The following RBFOX3 variants were observed in gnomAD, a reference collection of about 807,000 sequenced individuals.
The protein encoded by RBFOX3 is RNA binding protein fox-1 homolog 3.
Under a neutral mutation model 48.7 loss-of-function variants are expected in RBFOX3, and 17 were observed. The observed-to-expected ratio is 0.35, with a 90% CI of 0.24 to 0.52. The LOEUF (loss-of-function observed/expected upper bound fraction) is 0.52, where lower values mean the gene tolerates loss of function less well. RBFOX3 is among the 20% of genes least tolerant of loss of function. The pLI is 0.94. For missense variants in RBFOX3, 382 were observed against 497.5 expected, an observed-to-expected ratio of 0.77 and a Z score of 2.21; for synonymous variants, 212 against 209.5, an observed-to-expected ratio of 1.01 and a Z score of -0.10.
At chr17:79,567,978 T>C (rs906102794) in intron 1 of RBFOX3, among the ~76,000 whole-genome samples, 3 of 152,260 alleles carry the variant, frequency 2.0e-5, no homozygotes, top group African/African-American at 7.2e-5. Context: ...ATCAATGATG[T>C]AAAGTCTCCT....
chr17:79,239,177 C>G (rs377401370), intron 3 of RBFOX3, among the ~76,000 whole-genome samples: 2 of 152,318 alleles, frequency 1.3e-5, no homozygotes, highest in Non-Finnish European at 1.5e-5. Context: ...CTCTTCTGCA[C>G]TCCCAGCATT....
chr17:79,549,029 G>C (rs2090856950), intron 1 of RBFOX3, among the ~76,000 whole-genome samples: 1 of 152,218 alleles, frequency 6.6e-6, no homozygotes, highest in African/African-American at 2.4e-5. Flanking sequence ...TCACTAGTTT[G>C]CAGATGAAGA....
rs143460081 is a variant in RBFOX3 at position 79,219,916 on chromosome 17, GCCCAGCCCCCTGT to G, written c.-34+15837_-34+15849del. Reference sequence around the variant, plus strand: ...CCTGCCGGGTATTACTGGAGGCTGGGCCCAGCCCCCTGTCCCAGCCCCCTGTCCCAGCCCCACC... The same window carrying G: ...CCTGCCGGGTATTACTGGAGGCTGGGCCCAGCCCCCTGTCCCAGCCCCACC... On this transcript the variant is annotated intron_variant, in intron 4 of 14. Coordinates refer to ENST00000693108, the MANE Select transcript of RBFOX3 (RefSeq NM_001350451.2). Among the ~76,000 whole-genome samples, 583 of 151,738 alleles carry G rather than the reference GCCCAGCCCCCTGT, an allele frequency of 3.8e-3. 6 individuals carry two copies. The highest frequency in any genetic ancestry group is 0.023 in the East Asian group (120 of 5,114).
chr17:79,293,467 C>CCTT (rs1378057261), intron 3 of RBFOX3, among the ~76,000 whole-genome samples: 5 of 112,140 alleles, frequency 4.5e-5, no homozygotes, highest in African/African-American at 1.5e-4. Flanking sequence ...TTCCTTCCTT[C>CCTT]CCTTCCTTCC....
chr17:79,323,828 T>C (rs532756215), intron 2 of RBFOX3, among the ~76,000 whole-genome samples: 19 of 152,384 alleles, frequency 1.2e-4, no homozygotes, highest in Admixed American at 4.6e-4. Flanking sequence ...TTCATTACCA[T>C]GCAGATCCAA....
At chr17:79,156,508 C>G (rs2045840191) in intron 4 of RBFOX3, among the ~76,000 whole-genome samples, 1 of 152,200 alleles carries the variant, frequency 6.6e-6, no homozygotes, top group Non-Finnish European at 1.5e-5. Flanking sequence ...GCCCTCACCC[C>G]TCTTCCACGT....
At chr17:79,661,546 G>C in the RBFOX3 span, among the ~76,000 whole-genome samples, 9 of 152,358 alleles carry the variant, frequency 5.9e-5, no homozygotes, top group African/African-American at 2.2e-4. Context: ...GTGAAAAACA[G>C]TGCTGCTGTG....
chr17:79,641,950 C>T, the RBFOX3 span, among the ~76,000 whole-genome samples: 1 of 152,142 alleles, frequency 6.6e-6, no homozygotes, highest in Non-Finnish European at 1.5e-5. Context: ...TTTCCTGAGG[C>T]CTCCCCAGAA....
At chr17:79,502,808 C>T (rs1333834184) in intron 1 of RBFOX3, among the ~76,000 whole-genome samples, 2 of 152,202 alleles carry the variant, frequency 1.3e-5, no homozygotes, top group East Asian at 3.9e-4. Flanking sequence ...GGAGGCCCGG[C>T]CTCCCCACTC....
intron 6 of RBFOX3, among the ~76,000 whole-genome samples, chr17:79,104,784 A>G (rs2077061105): frequency 6.6e-6 from 1 of 151,968 alleles, no homozygotes; most frequent in South Asian, 2.1e-4. Context: ...GGCCTCCCTG[A>G]GATGGGGAGG....
chr17:79,539,425 A>T (rs781994834), intron 1 of RBFOX3, among the ~76,000 whole-genome samples: 1 of 152,226 alleles, frequency 6.6e-6, no homozygotes, highest in Middle Eastern at 3.2e-3. Context: ...GGCATCTGTC[A>T]ATACTTTTGA....
At chr17:79,448,904 G>T (rs2072906442) in intron 2 of RBFOX3, among the ~76,000 whole-genome samples, 1 of 152,046 alleles carries the variant, frequency 6.6e-6, no homozygotes, top group Admixed American at 6.5e-5. Flanking sequence ...ACAGAGAAAA[G>T]GGCCAGAAGG....
intron 4 of RBFOX3, among the ~76,000 whole-genome samples, chr17:79,130,514 TC>T (rs1175828397): frequency 6.6e-6 from 1 of 152,194 alleles, no homozygotes; most frequent in Non-Finnish European, 1.5e-5. Flanking sequence ...AGCGTGGATG[TC>T]CCCACCCTCT....
At chr17:79,222,601 G>A (rs1231356812) in intron 4 of RBFOX3, among the ~76,000 whole-genome samples, 1 of 152,220 alleles carries the variant, frequency 6.6e-6, no homozygotes, top group African/African-American at 2.4e-5. Flanking sequence ...CCAGAAAGTT[G>A]AGCTTTGGGC....
intron 1 of RBFOX3, among the ~76,000 whole-genome samples, chr17:79,571,068 C>G (rs1194598573): frequency 1.3e-5 from 2 of 152,160 alleles, no homozygotes; most frequent in Admixed American, 6.5e-5. Flanking sequence ...ATTGTAATGC[C>G]AGTTCCACGT....
chr17:79,471,408 C>G lies in RBFOX3; in HGVS notation c.-175+11046G>C, dbSNP rs1337336339. 8.5e-5 allele frequency among the ~76,000 whole-genome samples: 13 copies of G among 152,294 alleles called. No individual in the cohort carries two copies. The highest frequency in any genetic ancestry group is 2.9e-4 in the African/African-American group (12 of 41,552). On this transcript the variant is annotated intron_variant, in intron 2 of 14. Transcript: ENST00000693108. This position sits in a 1 kb window ranked among gnomAD's most constrained non-coding sequence, Gnocchi z 4.0. ...CTTGCCTTGGGAACTTTTGGAGCAA[C>G]AGAATGGTTTAGAATAATGACCCAT... is the stretch of plus-strand genomic sequence containing the variant.
At chr17:79,338,360 T>C (rs1019563840) in intron 2 of RBFOX3, among the ~76,000 whole-genome samples, 2 of 147,854 alleles carry the variant, frequency 1.4e-5, no homozygotes, top group East Asian at 4.1e-4. Flanking sequence ...TCCGTGGTGC[T>C]GCCCTGAGCC....
intron 4 of RBFOX3, among the ~76,000 whole-genome samples, chr17:79,139,660 G>A (rs1245858655): frequency 6.6e-6 from 1 of 152,190 alleles, no homozygotes; most frequent in Non-Finnish European, 1.5e-5. Flanking sequence ...GATGCAGTGG[G>A]GGACCAATGG....
intron 4 of RBFOX3, among the ~76,000 whole-genome samples, chr17:79,134,744 T>A (rs528775299): frequency 6.6e-6 from 1 of 152,134 alleles, no homozygotes; most frequent in Non-Finnish European, 1.5e-5. Context: ...GAAGAGGCAG[T>A]TCCCCCCTGC....
Sources: gnomAD v4.1 joint callset for allele counts (sites outside exome capture counted in the v4.1 genomes callset) on GRCh38, gnomAD v4.1.1 for gene constraint, Gnocchi (gnomAD v3.1) non-coding constraint, MANE v1.5 for transcripts, NCBI Gene and HGNC (gene_info 2026-07-23, HGNC 2026-07-21) for gene names.